The following DACH2 variants were observed in gnomAD, a reference collection of about 807,000 sequenced individuals.
DACH2 encodes the protein dachshund homolog 2.
In DACH2, 17 loss-of-function variants were observed where a neutral mutation model predicts 35.8. That is an observed-to-expected ratio of 0.48 (90% CI 0.33 to 0.71). The LOEUF (loss-of-function observed/expected upper bound fraction) is 0.71. Among genes scored for constraint, DACH2 ranks in the 30% least tolerant of loss-of-function variants. DACH2 has a pLI of 0.02. For synonymous variants in DACH2, 195 were observed against 177.3 expected (o/e 1.10, Z -0.79); for missense variants, 469 against 472.7 (o/e 0.99, Z 0.07).
intron 3 of DACH2, among the ~76,000 whole-genome samples, chrX:86,556,795 T>TATATATAGAGAGAGAG (rs1232719385): frequency 7.9e-5 from 2 of 25,296 alleles, no homozygotes; most frequent in African/African-American, 1.8e-4. Context: ...TATATATATA[T>TATATATAGAGAGAGAG]AGAGAGAGAG....
chrX:86,561,691 A>G (rs1349537831), intron 3 of DACH2, among the ~76,000 whole-genome samples: 1 of 44,356 alleles, frequency 2.3e-5, no homozygotes, highest in Non-Finnish European at 4.0e-5. Context: ...ATAGGTGGGA[A>G]TTGAACAATG....
chrX:86,763,698 T>C lies in DACH2; in HGVS notation c.1240+23816T>C, dbSNP rs193187416. 5.6e-3 allele frequency among the ~76,000 whole-genome samples: 628 copies of C among 111,402 alleles called. 3 individuals are homozygous for C. The highest frequency in any genetic ancestry group is 0.019 in the African/African-American group (593 of 30,657). On this transcript the variant is annotated intron_variant, in intron 7 of 11. Coordinates refer to ENST00000373125, the MANE Select transcript of DACH2 (RefSeq NM_053281.3). ...CGATCTCCTGACCTCGTGATCCACC[T>C]GCCTCGGCCTCCCAGAGTGATGTTT...
chrX:86,307,035 G>T (rs975479003), intron 1 of DACH2, among the ~76,000 whole-genome samples: 5 of 111,714 alleles, frequency 4.5e-5, no homozygotes, highest in African/African-American at 1.6e-4. Flanking sequence ...AAATGCATTT[G>T]ACACTCCTGA....
intron 2 of DACH2, among the ~76,000 whole-genome samples, chrX:86,461,207 A>T (rs1306106060): frequency 9.0e-6 from 1 of 111,727 alleles, no homozygotes; most frequent in Non-Finnish European, 1.9e-5. Context: ...CATGTTCATC[A>T]TTATATACCA....
chrX:86,376,918 TACAGATTCAGCC>T (rs1337954725), intron 2 of DACH2, 56 bp downstream of exon 2: 20 of 522,488 alleles, frequency 3.8e-5, no homozygotes, highest in Non-Finnish European at 3.3e-5. Context: ...CTGGAGCCTG[TACAGATTCAGCC>T]ACACTTTCAT....
intron 2 of DACH2, among the ~76,000 whole-genome samples, chrX:86,415,766 G>T (rs1171637220): frequency 8.9e-6 from 1 of 112,240 alleles, no homozygotes; most frequent in Non-Finnish European, 1.9e-5. Flanking sequence ...TTTAGCTGTA[G>T]TGCAGCATTT....
At chrX:86,824,985 GTTC>G (rs1266988502) in intron 11 of DACH2, among the ~76,000 whole-genome samples, 1 of 111,955 alleles carries the variant, frequency 8.9e-6, no homozygotes, top group Non-Finnish European at 1.9e-5. Flanking sequence ...GTATTATAGT[GTTC>G]TTCTATCAGT....
chrX:86,667,708 G>A (rs982295063), intron 4 of DACH2, among the ~76,000 whole-genome samples: 1 of 111,805 alleles, frequency 8.9e-6, no homozygotes, highest in African/African-American at 3.2e-5. Context: ...ATTCTTTAAA[G>A]AGTTAAAATT....
At position 86,777,003 on chromosome X, in the gene DACH2, TTGGTTCCAAG is replaced by T. The variant is rs765050950; in HGVS notation, c.1241-35851_1241-35842del. On this transcript the variant is annotated intron_variant, in intron 7 of 11. Transcript: ENST00000373125. ...AGTCTATCATTGTTGGACATTTGGG[TTGGTTCCAAG>T]TCTTTGCTATTGTGAATAGTGCTGC... is the stretch of plus-strand genomic sequence containing the variant. 3.4e-4 allele frequency among the ~76,000 whole-genome samples: 38 copies of T among 111,707 alleles called. No individual in the cohort carries two copies. In the Middle Eastern group the frequency reaches 0.014, roughly 41 times the overall value.
At chrX:86,584,813 A>G (rs184555226) in intron 3 of DACH2, among the ~76,000 whole-genome samples, 1 of 111,179 alleles carries the variant, frequency 9.0e-6, no homozygotes, top group African/African-American at 3.3e-5. Context: ...TCAGCTTTTC[A>G]GTGTTCTAGT....
chrX:86,796,789 A>G (rs772712416), intron 7 of DACH2, among the ~76,000 whole-genome samples: 1 of 111,881 alleles, frequency 8.9e-6, no homozygotes, highest in African/African-American at 3.2e-5. Flanking sequence ...CCCCTAAAGA[A>G]GTATCATTGG....
chrX:86,374,669 A>G (rs775868246), intron 1 of DACH2, among the ~76,000 whole-genome samples: 66 of 111,329 alleles, frequency 5.9e-4, no homozygotes, highest in African/African-American at 2.0e-3. Flanking sequence ...ACAAAGACAC[A>G]TTTTAGTAAA....
intron 7 of DACH2, among the ~76,000 whole-genome samples, chrX:86,808,548 C>T (rs756187770): frequency 1.8e-5 from 2 of 109,856 alleles, no homozygotes; most frequent in South Asian, 7.9e-4. Context: ...AGTCACATTA[C>T]ACAGCAGTTG....
At chrX:86,363,605 G>T (rs1214413679) in intron 1 of DACH2, among the ~76,000 whole-genome samples, 1 of 111,341 alleles carries the variant, frequency 9.0e-6, no homozygotes, top group African/African-American at 3.3e-5. Context: ...AAATATACAT[G>T]ATTGCTTTCA....
At chrX:86,562,226 CAT>C (rs2039232245) in intron 3 of DACH2, among the ~76,000 whole-genome samples, 3 of 110,435 alleles carry the variant, frequency 2.7e-5, no homozygotes, top group Non-Finnish European at 3.8e-5. Context: ...GAAGGTGACA[CAT>C]GTTTTTTGTT....
intron 1 of DACH2, among the ~76,000 whole-genome samples, chrX:86,328,659 C>CT (rs1229983155): frequency 2.7e-5 from 3 of 111,858 alleles, no homozygotes; most frequent in Non-Finnish European, 5.6e-5. Flanking sequence ...CTTTGAGTCT[C>CT]TAAACATATG....
intron 2 of DACH2, among the ~76,000 whole-genome samples, chrX:86,438,607 G>A (rs1442213296): frequency 8.9e-6 from 1 of 112,098 alleles, no homozygotes; most frequent in African/African-American, 3.2e-5. Flanking sequence ...TCAGTGATGG[G>A]CATTTAGGTT....
At chrX:86,168,605 G>T in intron 1 of DACH2, among the ~76,000 whole-genome samples, 1 of 97,399 alleles carries the variant, frequency 1.0e-5, no homozygotes, top group Non-Finnish European at 2.1e-5. Context: ...TCCTTTCTTC[G>T]TCTAGTAAGG....
chrX:86,242,816 T>C (rs187003042), intron 1 of DACH2, among the ~76,000 whole-genome samples: 95 of 111,568 alleles, frequency 8.5e-4, no homozygotes, highest in African/African-American at 2.9e-3. Context: ...TCTCATGAGA[T>C]CTGATGGTTT....
Sources: allele counts gnomAD v4.1 joint callset (sites outside exome capture counted in the v4.1 genomes callset), GRCh38; gene constraint gnomAD v4.1.1; transcripts MANE v1.5; gene names NCBI Gene and HGNC (gene_info 2026-07-23, HGNC 2026-07-21).